GPR158: variants seen among roughly 807,000 people sequenced by gnomAD.
The protein encoded by GPR158 is G protein-coupled receptor 158.
Under a neutral mutation model 78.2 loss-of-function variants are expected in GPR158, and 30 were observed. The ratio of observed to expected loss-of-function variants is 0.38; its 90% CI spans 0.29 to 0.52. GPR158 has a LOEUF of 0.52. GPR158 is among the 20% of genes least tolerant of loss of function. The pLI is 0.83. For missense variants in GPR158, 1,463 were observed against 1,523.5 expected, an observed-to-expected ratio of 0.96 and a Z score of 0.66; for synonymous variants, 581 against 591.1, an observed-to-expected ratio of 0.98 and a Z score of 0.25.
intron 4 of GPR158, among the ~76,000 whole-genome samples, chr10:25,427,402 C>T (rs34477113): frequency 0.065 from 9,922 of 152,036 alleles, 725 homozygotes; most frequent in African/African-American, 0.19. Context: ...TGTTGCTAAC[C>T]TTAAGCCTAC....
At chr10:25,525,118 A>G (rs184081200) in intron 5 of GPR158, among the ~76,000 whole-genome samples, 100 of 152,318 alleles carry the variant, frequency 6.6e-4, no homozygotes, top group African/African-American at 2.4e-3. Context: ...ATAGATAAAA[A>G]AGATAGGCAA....
chr10:25,432,013 T>TA (rs66505370), intron 4 of GPR158, among the ~76,000 whole-genome samples: 57 of 150,582 alleles, frequency 3.8e-4, no homozygotes, highest in Admixed American at 6.6e-4. Context: ...AATAATAAAA[T>TA]AAAAAAAAAT....
intron 4 of GPR158, among the ~76,000 whole-genome samples, chr10:25,428,135 A>T (rs994750142): frequency 6.6e-6 from 1 of 152,092 alleles, no homozygotes; most frequent in Non-Finnish European, 1.5e-5. Flanking sequence ...TAGCAAAACA[A>T]TGTTAAGGTA....
chr10:25,475,508 G>A (rs1474988182), intron 5 of GPR158: 1 of 152,108 alleles, frequency 6.6e-6, no homozygotes, highest in Non-Finnish European at 1.5e-5. Context: ...AGGGGAAAAG[G>A]AGATTAAAGG....
At chr10:25,204,606 C>G (rs1056779881) in intron 1 of GPR158, among the ~76,000 whole-genome samples, 2 of 152,134 alleles carry the variant, frequency 1.3e-5, no homozygotes, top group African/African-American at 2.4e-5. Context: ...TTGAAGCCCA[C>G]TTGATCATGG....
At chr10:25,354,634 T>TG (rs1384518956) in intron 2 of GPR158, among the ~76,000 whole-genome samples, 1 of 152,124 alleles carries the variant, frequency 6.6e-6, no homozygotes, top group African/African-American at 2.4e-5. Flanking sequence ...GGCTTATGCA[T>TG]GTACTTAATT....
intron 5 of GPR158, among the ~76,000 whole-genome samples, chr10:25,474,898 G>A (rs1835561404): frequency 6.6e-6 from 1 of 151,984 alleles, no homozygotes; most frequent in Non-Finnish European, 1.5e-5. Context: ...AGCATCTGCA[G>A]TTAGGCAATA....
At chr10:25,585,803 A>G (rs961356213) in intron 7 of GPR158, among the ~76,000 whole-genome samples, 3 of 151,936 alleles carry the variant, frequency 2.0e-5, no homozygotes, top group Admixed American at 6.6e-5. Context: ...ACATGCCAAA[A>G]CCCCATCTCT....
At chr10:25,284,433 T>A (rs1854318661) in intron 2 of GPR158, among the ~76,000 whole-genome samples, 3 of 152,068 alleles carry the variant, frequency 2.0e-5, no homozygotes, top group Admixed American at 2.0e-4. Flanking sequence ...GATATTAATA[T>A]GCCTATTCTA....
At chr10:25,218,903 T>G (rs187179911) in intron 1 of GPR158, among the ~76,000 whole-genome samples, 20 of 152,330 alleles carry the variant, frequency 1.3e-4, no homozygotes, top group Non-Finnish European at 2.5e-4. Context: ...TTTTACCTAT[T>G]TCTCTATCCC....
intron 2 of GPR158, among the ~76,000 whole-genome samples, chr10:25,377,610 A>G (rs566414645): frequency 1.3e-5 from 2 of 152,026 alleles, no homozygotes; most frequent in African/African-American, 4.8e-5. Context: ...TGGACATTTT[A>G]TATAAGTGAA....
chr10:25,598,289 A>T lies in GPR158; in HGVS notation c.2663A>T (p.Glu888Val), dbSNP rs1208511901. Residue 888 changes from glutamate (E) to valine (V), a missense_variant, in exon 11 of 11, where the codon GAG becomes GTG. Coordinates refer to ENST00000376351, the MANE Select transcript of GPR158 (RefSeq NM_020752.3). ...KSASAHNLSS[E>V]KKTGHPRTSM... ...GCAAGCGCTCACAACCTCAGCTCAG[A>T]GAAGAAAACTGGGCACCCACGAACA... 3.7e-6 allele frequency: 6 copies of T among 1,614,094 alleles called. No individual in the cohort carries two copies. The highest frequency in any genetic ancestry group is 5.1e-6 in the Non-Finnish European group (6 of 1,180,008).
chr10:25,366,650 A>G (rs1170858483), intron 2 of GPR158, among the ~76,000 whole-genome samples: 1 of 151,720 alleles, frequency 6.6e-6, no homozygotes, highest in Admixed American at 6.6e-5. Context: ...ACCATGTAGT[A>G]CAATGGATCT....
At chr10:25,375,727 A>G (rs10764537) in intron 2 of GPR158, among the ~76,000 whole-genome samples, 29,604 of 151,508 alleles carry the variant, frequency 0.2, 3,339 homozygotes, top group Non-Finnish European at 0.26. Flanking sequence ...TAAGTTTTCT[A>G]TTTTTAAAAA....
At chr10:25,449,164 G>A (rs35288024) in intron 4 of GPR158, among the ~76,000 whole-genome samples, 229 of 152,058 alleles carry the variant, frequency 1.5e-3, no homozygotes, top group Non-Finnish European at 2.6e-3. Flanking sequence ...ATAATGCTGC[G>A]CATGAAGCTT....
intron 2 of GPR158, among the ~76,000 whole-genome samples, chr10:25,358,330 A>T (rs529639530): frequency 3.3e-5 from 5 of 152,024 alleles, no homozygotes; most frequent in Non-Finnish European, 7.4e-5. Flanking sequence ...ATTGGTTTTG[A>T]AATGTGAATA....
At chr10:25,472,413 T>A (rs1298930699) in intron 5 of GPR158, among the ~76,000 whole-genome samples, 1 of 152,230 alleles carries the variant, frequency 6.6e-6, no homozygotes, top group Non-Finnish European at 1.5e-5. Flanking sequence ...TCCAGCTTTG[T>A]TCTTTCAGCT....
At chr10:25,393,481 C>T (rs958483746) in intron 2 of GPR158, 5 of 152,126 alleles carry the variant, frequency 3.3e-5, no homozygotes, top group Admixed American at 3.3e-4. Flanking sequence ...TTCGTAGTGT[C>T]GCGACGTCGT....
chr10:25,578,260 G>A (rs1837133092), intron 7 of GPR158, among the ~76,000 whole-genome samples: 1 of 152,176 alleles, frequency 6.6e-6, no homozygotes, highest in African/African-American at 2.4e-5. Context: ...CATGGCCTAC[G>A]TTGTTCAGAC....
Sources: allele counts gnomAD v4.1 joint callset (sites outside exome capture counted in the v4.1 genomes callset), GRCh38; gene constraint gnomAD v4.1.1; transcripts MANE v1.5; gene names NCBI Gene and HGNC (gene_info 2026-07-23, HGNC 2026-07-21).